The following CTNND2 variants were observed in gnomAD, a reference collection of about 807,000 sequenced individuals.
CTNND2 encodes the protein catenin delta-2.
A neutral mutation model predicts 144.4 loss-of-function variants in CTNND2; 22 were observed. The observed-to-expected ratio is 0.15, with a 90% CI of 0.11 to 0.22. The LOEUF (loss-of-function observed/expected upper bound fraction) is 0.22. CTNND2 is among the 10% of genes least tolerant of loss of function. CTNND2 has a pLI of 1.00. For missense variants in CTNND2, 1,353 were observed against 1,618.8 expected (o/e 0.84, Z 2.82); for synonymous variants, 751 against 695.6 (o/e 1.08, Z -1.25).
At chr5:11,519,328 A>T (rs577655868) in intron 3 of CTNND2, among the ~76,000 whole-genome samples, 5 of 152,278 alleles carry the variant, frequency 3.3e-5, no homozygotes, top group Non-Finnish European at 2.9e-5. Context: ...ATTTCATTGA[A>T]ATTGACTTTG....
intron 3 of CTNND2, among the ~76,000 whole-genome samples, chr5:11,561,854 C>A (rs1052124683): frequency 9.2e-5 from 14 of 152,044 alleles, no homozygotes; most frequent in Non-Finnish European, 1.8e-4. Flanking sequence ...CCAGCCTGGC[C>A]AACATGGTGA....
chr5:11,855,341 T>C (rs1795203751), intron 1 of CTNND2, among the ~76,000 whole-genome samples: 2 of 152,172 alleles, frequency 1.3e-5, no homozygotes, highest in Non-Finnish European at 2.9e-5. Flanking sequence ...ACCAGTGAAC[T>C]AACCTCACCT....
At chr5:11,827,526 A>T (rs1464804613) in intron 1 of CTNND2, among the ~76,000 whole-genome samples, 1 of 152,216 alleles carries the variant, frequency 6.6e-6, no homozygotes, top group African/African-American at 2.4e-5. Context: ...AAACAATAAA[A>T]TTGATACATC....
chr5:11,643,951 CT>C (rs1782209235), intron 2 of CTNND2, among the ~76,000 whole-genome samples: 1 of 151,960 alleles, frequency 6.6e-6, no homozygotes, highest in Admixed American at 6.6e-5. Context: ...ATGAAAATAA[CT>C]TTTTGAATAG....
chr5:11,586,542 C>T (rs1362041406), intron 2 of CTNND2, among the ~76,000 whole-genome samples: 2 of 152,176 alleles, frequency 1.3e-5, no homozygotes, highest in Admixed American at 1.3e-4. Context: ...AATCTTTGTT[C>T]CCACACCATT....
chr5:11,344,403 A>T (rs1754569504), intron 9 of CTNND2, among the ~76,000 whole-genome samples: 1 of 152,180 alleles, frequency 6.6e-6, no homozygotes, highest in Non-Finnish European at 1.5e-5. Context: ...AAAAAAAAAA[A>T]AACATGTTGA....
intron 10 of CTNND2, among the ~76,000 whole-genome samples, chr5:11,206,677 C>T (rs1464275164): frequency 6.6e-6 from 1 of 152,182 alleles, no homozygotes; most frequent in African/African-American, 2.4e-5. Flanking sequence ...TTAGATATTT[C>T]ATGATGCTAA....
intron 2 of CTNND2, among the ~76,000 whole-genome samples, chr5:11,658,527 T>G (rs1016601408): frequency 6.6e-6 from 1 of 152,090 alleles, no homozygotes; most frequent in Non-Finnish European, 1.5e-5. Flanking sequence ...ATGGGAAAGC[T>G]CTTATTTCCT....
chr5:11,334,089 T>C lies in CTNND2; in HGVS notation c.1628+12283A>G, dbSNP rs1408403392. 2.0e-5 allele frequency among the ~76,000 whole-genome samples: 3 copies of C among 152,220 alleles called. No homozygotes were observed. In the East Asian group the frequency reaches 5.8e-4, roughly 29 times the overall value. ...ACTTGAAAATATTGAGGAGATATTA[T>C]AATTCTAGTCACTCATTCATTTAGC... On this transcript the variant is annotated intron_variant, in intron 9 of 21. Coordinates refer to ENST00000304623, the MANE Select transcript of CTNND2 (RefSeq NM_001332.4).
At chr5:11,393,801 T>C (rs966042592) in intron 6 of CTNND2, among the ~76,000 whole-genome samples, 7 of 152,146 alleles carry the variant, frequency 4.6e-5, no homozygotes, top group African/African-American at 1.7e-4. Flanking sequence ...AGGATATCAC[T>C]TATTATATGA....
chr5:11,853,665 T>G (rs1425288390), intron 1 of CTNND2, among the ~76,000 whole-genome samples: 1 of 152,142 alleles, frequency 6.6e-6, no homozygotes, highest in Non-Finnish European at 1.5e-5. Context: ...CCTGCCCCAC[T>G]CACTTTCTTC....
intron 7 of CTNND2, among the ~76,000 whole-genome samples, chr5:11,383,479 T>C (rs1012781256): frequency 2.0e-4 from 31 of 152,302 alleles, no homozygotes; most frequent in African/African-American, 7.0e-4. Context: ...TCAAAAATTC[T>C]ATTTGAGAGA....
intron 18 of CTNND2, among the ~76,000 whole-genome samples, chr5:10,998,260 G>A (rs554040518): frequency 9.9e-5 from 15 of 152,242 alleles, no homozygotes; most frequent in African/African-American, 2.9e-4. Context: ...TGGGAGAAAC[G>A]GAGAAGCAAT....
chr5:11,065,487 T>G (rs536431591), intron 16 of CTNND2, among the ~76,000 whole-genome samples: 2 of 152,348 alleles, frequency 1.3e-5, no homozygotes, highest in South Asian at 4.1e-4. Context: ...CACTGAATAA[T>G]TCCTCTATTT....
intron 3 of CTNND2, among the ~76,000 whole-genome samples, chr5:11,520,002 C>T (rs1772570650): frequency 6.6e-6 from 1 of 150,714 alleles, no homozygotes; most frequent in South Asian, 2.1e-4. Flanking sequence ...AAAAAAACAG[C>T]TGGGCGTGGT....
intron 8 of CTNND2, among the ~76,000 whole-genome samples, chr5:11,360,265 T>A (rs990601296): frequency 6.6e-6 from 1 of 152,136 alleles, no homozygotes; most frequent in African/African-American, 2.4e-5. Flanking sequence ...AATTGAGAAA[T>A]CCTCTTTGGT....
At chr5:11,704,385 T>C (rs1581747107) in intron 2 of CTNND2, among the ~76,000 whole-genome samples, 1 of 152,286 alleles carries the variant, frequency 6.6e-6, no homozygotes, top group Middle Eastern at 3.4e-3. Context: ...AAGAAACAGA[T>C]GACAGAGAGT....
At chr5:11,447,060 C>T (rs1764878608) in intron 3 of CTNND2, among the ~76,000 whole-genome samples, 1 of 152,050 alleles carries the variant, frequency 6.6e-6, no homozygotes, top group South Asian at 2.1e-4. Flanking sequence ...CGGGTAACAA[C>T]AACAACAACA....
chr5:11,848,208 T>C (rs1031687606), intron 1 of CTNND2, among the ~76,000 whole-genome samples: 2 of 151,966 alleles, frequency 1.3e-5, no homozygotes, highest in Non-Finnish European at 2.9e-5. Context: ...CTACATTTTA[T>C]GGGGAAAAAA....
Sources: allele counts gnomAD v4.1 joint callset (sites outside exome capture counted in the v4.1 genomes callset), GRCh38; gene constraint gnomAD v4.1.1; transcripts MANE v1.5; gene names NCBI Gene and HGNC (gene_info 2026-07-23, HGNC 2026-07-21).